Variants in DUSP28 observed in about 807,000 individuals in gnomAD.
DUSP28 encodes the protein dual specificity phosphatase 28.
DUSP28 carries 11 observed loss-of-function variants against 8.4 expected under a neutral mutation model. That is an observed-to-expected ratio of 1.31 (90% CI 0.83 to 2.17). The LOEUF (loss-of-function observed/expected upper bound fraction) is 2.17. DUSP28 is among the 30% of genes most tolerant of loss of function. The pLI is 0.00. For synonymous variants in DUSP28, 178 were observed against 130.9 expected (o/e 1.36, Z -2.46); for missense variants, 373 against 270.4 (o/e 1.38, Z -2.66).
chr2:240,561,643 C>A lies in DUSP28; in HGVS notation c.*176C>A. The A allele has an allele frequency of 5.7e-6, 5 of 873,428 alleles. No homozygotes were observed. The highest frequency in any genetic ancestry group is 4.6e-5 in the South Asian group (2 of 43,934). 54.1% of individuals were successfully genotyped at this position (873,428 alleles called of 1,614,324 possible). A position where few individuals can be genotyped will look rare whatever the true frequency, so the allele number is the denominator to read the frequency against. ...TGATGCACAAATTATCTTACAGACA[C>A]AAAAAGAAATACATTTGGTAAAACA... On this transcript the variant is annotated 3_prime_UTR_variant, in exon 2 of 2. Coordinates refer to ENST00000405954, the MANE Select transcript of DUSP28 (RefSeq NM_001370465.2).
In DUSP28 at chr2:240,560,804, G is replaced by A. The variant is rs756447114; in HGVS notation, c.120G>A (p.Leu40=). 3.3e-5 allele frequency: 48 copies of A among 1,443,002 alleles called. No homozygotes were observed. Among genetic ancestry groups the A allele is most frequent in the Admixed American group, 5.7e-5 (2 of 35,050 alleles). 89.4% of individuals were successfully genotyped at this position (1,443,002 alleles called of 1,614,324 possible). Reference sequence around the variant, plus strand: ...GAGCCGCGGGCGCGGAGGAGCAGCTGGCGCGCGCGGGAGTCACGCTGTGCG... The same window carrying A: ...GAGCCGCGGGCGCGGAGGAGCAGCTAGCGCGCGCGGGAGTCACGCTGTGCG... ...SARAAGAEEQ[L]ARAGVTLCVN... The change falls in exon 1 of 2, where the codon CTG becomes CTA. Residue 40 remains leucine, a synonymous_variant. Coordinates refer to ENST00000405954, the MANE Select transcript of DUSP28 (RefSeq NM_001370465.2).
rs768813095 is a variant in DUSP28, at chr2:240,561,457, C to CT, written c.522dup (p.Glu175Ter). On this transcript the variant is annotated frameshift_variant, in exon 2 of 2. Transcript: ENST00000405954. LOFTEE classifies it high-confidence loss of function. ...GAGCCCCCAGCCTTAGGGTTGGGCC[C>CT]TGAGGCTTGAAGCTTGAAGGCCTGC... The CT allele has an allele frequency of 2.8e-5, 45 of 1,613,114 alleles. No individual in the cohort carries two copies. Among genetic ancestry groups the CT allele is most frequent in the Non-Finnish European group, 3.4e-6 (4 of 1,179,856 alleles).
chr2:240,562,020 A>C lies in DUSP28; in HGVS notation c.*553A>C, dbSNP rs1022224292. The C allele has an allele frequency of 6.5e-6, 1 of 152,706 alleles. No homozygotes were observed. Among genetic ancestry groups the C allele is most frequent in the African/African-American group, 2.4e-5 (1 of 41,470 alleles). 9.5% of individuals were successfully genotyped at this position (152,706 alleles called of 1,614,324 possible). A position where few individuals can be genotyped will look rare whatever the true frequency, so the allele number is the denominator to read the frequency against. ...TTATTCTCTTCATCAGCCCCTCTGC[A>C]ATACAGCTGGAGCTGTCCCATAGGA... On this transcript the variant is annotated 3_prime_UTR_variant, in exon 2 of 2. Transcript: ENST00000405954.
In DUSP28 at chr2:240,564,507, C is replaced by T. The variant is rs1356097984; in HGVS notation, c.*3040C>T. On this transcript the variant is annotated 3_prime_UTR_variant, in exon 2 of 2. Transcript: ENST00000405954. ...CACCACCATCTGCTCCGTCCTCTCCCTCTGGTCAGCTCAGCTTATTAAACA... is the reference window on the plus strand; with the variant it reads ...CACCACCATCTGCTCCGTCCTCTCCTTCTGGTCAGCTCAGCTTATTAAACA... Among the ~76,000 whole-genome samples the T allele has an allele frequency of 6.6e-6, 1 of 152,244 alleles. No homozygotes were observed. The highest frequency in any genetic ancestry group is 1.5e-5 in the Non-Finnish European group (1 of 68,038).
Position 240,563,557 on chromosome 2 carries a change from A to T in DUSP28, c.*2090A>T, listed in dbSNP as rs540308473. The T allele has an allele frequency of 6.6e-6, 1 of 152,598 alleles. No homozygotes were observed. The highest frequency in any genetic ancestry group is 1.9e-4 in the East Asian group (1 of 5,328). 9.5% of individuals were successfully genotyped at this position (152,598 alleles called of 1,614,324 possible). On this transcript the variant is annotated 3_prime_UTR_variant, in exon 2 of 2. Coordinates refer to ENST00000405954, the MANE Select transcript of DUSP28 (RefSeq NM_001370465.2). The stretch of plus-strand genomic sequence containing the variant: ...TCTTAACAAGACCCAGTCAGGCCCT[A>T]TTGGAACAGGGCTTTTACCACCTAG...
rs1280958878 is a variant in DUSP28 at position 240,560,445 on chromosome 2, C to T, written c.-240C>T. On this transcript the variant is annotated 5_prime_UTR_variant, in exon 1 of 2. Transcript: ENST00000405954. ...CATGGGACGCAGAGCGGTCCAAGGCCCCGGCGCCCTGGTGAGGCCCAAACC... is the reference window on the plus strand; with the variant it reads ...CATGGGACGCAGAGCGGTCCAAGGCTCCGGCGCCCTGGTGAGGCCCAAACC... 2.0e-6 allele frequency: 1 copy of T among 487,964 alleles called. No homozygotes were observed. Among genetic ancestry groups the T allele is most frequent in the Non-Finnish European group, 3.2e-6 (1 of 309,026 alleles). 30.2% of individuals were successfully genotyped at this position (487,964 alleles called of 1,614,324 possible).
rs1483511940 is a variant in DUSP28 at position 240,563,728 on chromosome 2, T to G, written c.*2261T>G. 1 of 152,500 alleles carries G rather than the reference T, an allele frequency of 6.6e-6. No individual in the cohort carries two copies. Among genetic ancestry groups the G allele is most frequent in the Non-Finnish European group, 1.5e-5 (1 of 68,056 alleles). The allele number at this position is 152,500 out of a possible 1,614,324, so 9.4% of individuals were successfully genotyped here. ...CATTTGTCTCTCTATCCGGATTAGA[T>G]GTTGCTATATGAACACATCGGGACT... is the stretch of plus-strand genomic sequence containing the variant. On this transcript the variant is annotated 3_prime_UTR_variant, in exon 2 of 2. Transcript: ENST00000405954.
At chr2:240,561,185 GC>G in intron 1 of DUSP28, 108 bp downstream of exon 1, 1 of 1,495,298 alleles carries the variant, frequency 6.7e-7, no homozygotes, top group East Asian at 2.4e-5. Flanking sequence ...TCCGGGAGGG[GC>G]GGGTCTCTCT....
chr2:240,563,812 C>T lies in DUSP28; in HGVS notation c.*2345C>T, dbSNP rs1412959689. 1 of 152,404 alleles carries T rather than the reference C, an allele frequency of 6.6e-6. No individual in the cohort carries two copies. Among genetic ancestry groups the T allele is most frequent in the Non-Finnish European group, 1.5e-5 (1 of 68,056 alleles). 9.4% of individuals were successfully genotyped at this position (152,404 alleles called of 1,614,324 possible). ...TTCACAGTGTCACCCACATTCACCT[C>T]TTTCCACTTAAACGTGTCCCATGAA... On this transcript the variant is annotated 3_prime_UTR_variant, in exon 2 of 2. Coordinates refer to ENST00000405954, the MANE Select transcript of DUSP28 (RefSeq NM_001370465.2).
rs1258191982 is a variant in DUSP28 at position 240,564,857 on chromosome 2, G to T, written c.*3390G>T. Reference sequence around the variant, plus strand: ...GAGAAGGAGGCTGTGCTGACAGACGGCCTGGTGAGGGAACCCGGGAGGCCT... The same window carrying T: ...GAGAAGGAGGCTGTGCTGACAGACGTCCTGGTGAGGGAACCCGGGAGGCCT... On this transcript the variant is annotated 3_prime_UTR_variant, in exon 2 of 2. Transcript: ENST00000405954. 6.6e-6 allele frequency among the ~76,000 whole-genome samples: 1 copy of T among 152,218 alleles called. No individual in the cohort carries two copies. Among genetic ancestry groups the T allele is most frequent in the African/African-American group, 2.4e-5 (1 of 41,452 alleles).
Position 240,564,121 on chromosome 2 carries a change from C to G in DUSP28, c.*2654C>G, listed in dbSNP as rs937147252. The G allele has an allele frequency of 3.3e-5, 5 of 152,336 alleles. No individual in the cohort carries two copies. Among genetic ancestry groups the G allele is most frequent in the African/African-American group, 4.8e-5 (2 of 41,456 alleles). 9.4% of individuals were successfully genotyped at this position (152,336 alleles called of 1,614,324 possible). ...GACTGTGGGTTGCAGAAATTTCTCTCAAGCATCATCACCACTTTTGCTCAG... is the reference window on the plus strand; with the variant it reads ...GACTGTGGGTTGCAGAAATTTCTCTGAAGCATCATCACCACTTTTGCTCAG... On this transcript the variant is annotated 3_prime_UTR_variant, in exon 2 of 2. Transcript: ENST00000405954.
At chr2:240,561,201 A>T in intron 1 of DUSP28, 124 bp downstream of exon 1, 2 of 1,523,388 alleles carry the variant, frequency 1.3e-6, no homozygotes, top group African/African-American at 1.4e-5. Flanking sequence ...CTCTCTCGTG[A>T]GGGCGGGCTT....
In DUSP28 at chr2:240,562,061, G is replaced by T. The variant is rs939093434; in HGVS notation, c.*594G>T. The T allele has an allele frequency of 6.6e-6, 1 of 152,156 alleles. No homozygotes were observed. Among genetic ancestry groups the T allele is most frequent in the African/African-American group, 2.4e-5 (1 of 41,412 alleles). 9.4% of individuals were successfully genotyped at this position (152,156 alleles called of 1,614,324 possible). ...TCCCATAGGAGTTCGGACAATTACG[G>T]ACATCCTTTTTCTTTCTCTCTTTCT... On this transcript the variant is annotated 3_prime_UTR_variant, in exon 2 of 2. Coordinates refer to ENST00000405954, the MANE Select transcript of DUSP28 (RefSeq NM_001370465.2).
chr2:240,565,217 C>G lies in DUSP28; in HGVS notation c.*3750C>G, dbSNP rs1358412316. Among the ~76,000 whole-genome samples the G allele has an allele frequency of 1.3e-5, 2 of 151,656 alleles. No homozygotes were observed. Among genetic ancestry groups the G allele is most frequent in the Non-Finnish European group, 2.9e-5 (2 of 68,042 alleles). On this transcript the variant is annotated 3_prime_UTR_variant, in exon 2 of 2. Transcript: ENST00000405954. ...ATATACAACTACGCGTATTTACATT[C>G]TGTATGCGTCAATGAGTAAAATACT... is the stretch of plus-strand genomic sequence containing the variant.
chr2:240,560,358 C>T lies in DUSP28; in HGVS notation c.-327C>T, dbSNP rs2092853284. 1 of 230,070 alleles carries T rather than the reference C, an allele frequency of 4.3e-6. No individual in the cohort carries two copies. The highest frequency in any genetic ancestry group is 8.4e-6 in the Non-Finnish European group (1 of 119,618). 14.3% of individuals were successfully genotyped at this position (230,070 alleles called of 1,614,324 possible). A position where few individuals can be genotyped will look rare whatever the true frequency, so the allele number is the denominator to read the frequency against. Reference sequence around the variant, plus strand: ...GGCAGGGCGCTGCGCCCAAGAGCCACAGACGCAAGCCCAGTGCCACAGGCC... The same window carrying T: ...GGCAGGGCGCTGCGCCCAAGAGCCATAGACGCAAGCCCAGTGCCACAGGCC... On this transcript the variant is annotated 5_prime_UTR_variant, in exon 1 of 2. Transcript: ENST00000405954.
Position 240,561,320 on chromosome 2 carries a change from T to C in DUSP28, c.394-10T>C, listed in dbSNP as rs750514852. 6.2e-7 allele frequency: 1 copy of C among 1,613,810 alleles called. No individual in the cohort carries two copies. The highest frequency in any genetic ancestry group is 1.1e-5 in the South Asian group (1 of 91,080). On this transcript the variant is annotated splice_polypyrimidine_tract_variant and intron_variant, in intron 1 of 1. Transcript: ENST00000405954. ...GACTTGGGGTTATTCAGTACACTTC[T>C]TGTTTGCAGATGGTGAAGAGCGCTC...
rs1465659680 is a variant in DUSP28, at chr2:240,560,412, A to G, written c.-273A>G. 3.2e-6 allele frequency: 1 copy of G among 314,642 alleles called. No homozygotes were observed. Among genetic ancestry groups the G allele is most frequent in the Middle Eastern group, 9.0e-4 (1 of 1,110 alleles). The allele number at this position is 314,642 out of a possible 1,614,324, so 19.5% of individuals were successfully genotyped here. On this transcript the variant is annotated 5_prime_UTR_variant, in exon 1 of 2. Transcript: ENST00000405954. ...GGGGCGGGGAGGACGGCGCCCGGGG[A>G]CAGAGAACATGGGACGCAGAGCGGT...
At position 240,563,608 on chromosome 2, in the gene DUSP28, G is replaced by T. The variant is rs544642086; in HGVS notation, c.*2141G>T. ...GCGGAAGCTCAGCCATTGAAATGACGATCAGGTGCTTCACGGTCTATTTTT... is the reference window on the plus strand; with the variant it reads ...GCGGAAGCTCAGCCATTGAAATGACTATCAGGTGCTTCACGGTCTATTTTT... On this transcript the variant is annotated 3_prime_UTR_variant, in exon 2 of 2. Transcript: ENST00000405954. The T allele has an allele frequency of 1.5e-4, 23 of 152,854 alleles. No homozygotes were observed. The East Asian group carries it at 3.8e-3, about 25-fold the overall frequency. The allele number at this position is 152,854 out of a possible 1,614,324, so 9.5% of individuals were successfully genotyped here.
chr2:240,564,769 C>G lies in DUSP28; in HGVS notation c.*3302C>G, dbSNP rs1024427476. On this transcript the variant is annotated 3_prime_UTR_variant, in exon 2 of 2. Coordinates refer to ENST00000405954, the MANE Select transcript of DUSP28 (RefSeq NM_001370465.2). The stretch of plus-strand genomic sequence containing the variant: ...AGTACATCTCCTTCCTCCCACCTCC[C>G]AGACCTCTCACTGGTCTCATCTGGG... Among the ~76,000 whole-genome samples, 2 of 152,228 alleles carry G rather than the reference C, an allele frequency of 1.3e-5. No individual in the cohort carries two copies. The highest frequency in any genetic ancestry group is 4.8e-5 in the African/African-American group (2 of 41,456).
Sources: gnomAD v4.1 joint callset for allele counts (sites outside exome capture counted in the v4.1 genomes callset) on GRCh38, gnomAD v4.1.1 for gene constraint, MANE v1.5 for transcripts, NCBI Gene and HGNC (gene_info 2026-07-23, HGNC 2026-07-21) for gene names.